Variants in THADA observed in about 807,000 individuals in gnomAD.
The protein encoded by THADA is THADA armadillo repeat containing.
In THADA, 213 loss-of-function variants were observed where a neutral mutation model predicts 219.8. The ratio of observed to expected loss-of-function variants is 0.97; its 90% CI spans 0.87 to 1.09. THADA has a LOEUF of 1.09. Ranked by LOEUF, THADA falls within the 50% of genes least tolerant of loss-of-function variation. The pLI is 0.00. For missense variants in THADA, 2,956 were observed against 2,311.3 expected, an observed-to-expected ratio of 1.28 and a Z score of -5.72; for synonymous variants, 1,018 against 828.9, an observed-to-expected ratio of 1.23 and a Z score of -3.92.
At chr2:43,448,522 T>C (rs1235037632) in intron 26 of THADA, among the ~76,000 whole-genome samples, 1 of 151,038 alleles carries the variant, frequency 6.6e-6, no homozygotes, top group East Asian at 2.0e-4. Context: ...TGAAGCAACT[T>C]GCAAGGAATT....
At chr2:43,561,696 C>G (rs1488924814) in intron 15 of THADA, among the ~76,000 whole-genome samples, 1 of 152,168 alleles carries the variant, frequency 6.6e-6, no homozygotes, top group Non-Finnish European at 1.5e-5. Flanking sequence ...CTTAACAACT[C>G]TGCTCAGATT....
intron 36 of THADA, among the ~76,000 whole-genome samples, chr2:43,262,157 TGCTTA>T (rs1469518440): frequency 1.3e-5 from 2 of 152,360 alleles, no homozygotes; most frequent in Admixed American, 1.3e-4. Context: ...CTAGGTAATG[TGCTTA>T]GCCCAAAACA....
chr2:43,515,817 A>C (rs935731416), intron 22 of THADA, among the ~76,000 whole-genome samples: 12 of 152,126 alleles, frequency 7.9e-5, no homozygotes, highest in African/African-American at 2.9e-4. Flanking sequence ...AGAGACTCTC[A>C]CCAAAAGAAA....
chr2:43,357,415 C>A (rs916797365), intron 29 of THADA, among the ~76,000 whole-genome samples: 3 of 152,198 alleles, frequency 2.0e-5, no homozygotes, highest in African/African-American at 7.2e-5. Context: ...ATATTCTACA[C>A]AAATGGTACC....
At chr2:43,388,624 C>G (rs1672982050) in intron 29 of THADA, among the ~76,000 whole-genome samples, 1 of 152,186 alleles carries the variant, frequency 6.6e-6, no homozygotes, top group Admixed American at 6.5e-5. Context: ...GAATAACAAC[C>G]TGATAGGCAA....
rs374599617 is a variant in THADA, at chr2:43,312,893, G to C, written c.4438+7553C>G. On this transcript the variant is annotated intron_variant, in intron 31 of 37. Coordinates refer to ENST00000405975, the MANE Select transcript of THADA (RefSeq NM_022065.5). ...CACATCTGCATCCAACACTGATAAA[G>C]TGCATGACCGAGGAACAGATAAGAA... 5.5e-4 allele frequency among the ~76,000 whole-genome samples: 83 copies of C among 152,172 alleles called. 2 individuals are homozygous for C. The South Asian group carries it at 0.017, about 31-fold the overall frequency.
chr2:43,290,802 G>C (rs1430340039), intron 34 of THADA, among the ~76,000 whole-genome samples: 1 of 151,650 alleles, frequency 6.6e-6, no homozygotes, highest in Non-Finnish European at 1.5e-5. Flanking sequence ...TTCTGTGAGG[G>C]TGCTATCTTG....
intron 36 of THADA, among the ~76,000 whole-genome samples, chr2:43,234,585 T>G (rs953878495): frequency 5.3e-5 from 8 of 152,220 alleles, no homozygotes; most frequent in African/African-American, 1.9e-4. Context: ...AACTCCTTTC[T>G]GCAGTTCTCA....
chr2:43,546,315 G>T (rs1231126724), intron 20 of THADA, among the ~76,000 whole-genome samples: 8 of 152,264 alleles, frequency 5.3e-5, no homozygotes, highest in African/African-American at 1.9e-4. Flanking sequence ...TGGAATAGGT[G>T]TGGTGTGGTG....
At chr2:43,467,958 CA>C (rs955269912) in intron 26 of THADA, among the ~76,000 whole-genome samples, 2 of 152,170 alleles carry the variant, frequency 1.3e-5, no homozygotes, top group African/African-American at 4.8e-5. Context: ...TGAGCTAAGC[CA>C]GACCAGGCTG....
At chr2:43,278,556 G>T (rs1219796661) in intron 36 of THADA, among the ~76,000 whole-genome samples, 2 of 152,218 alleles carry the variant, frequency 1.3e-5, no homozygotes, top group African/African-American at 4.8e-5. Context: ...TGGGGGCTGA[G>T]GGGAGCCTGC....
chr2:43,247,758 G>A (rs1199566438), intron 36 of THADA, among the ~76,000 whole-genome samples: 3 of 150,788 alleles, frequency 2.0e-5, no homozygotes, highest in African/African-American at 7.3e-5. Flanking sequence ...AAAAAAAGGG[G>A]GGTGCTGGGC....
chr2:43,468,854 T>C (rs1313263877), intron 26 of THADA, among the ~76,000 whole-genome samples: 1 of 152,134 alleles, frequency 6.6e-6, no homozygotes, highest in Non-Finnish European at 1.5e-5. Flanking sequence ...GCAGATACTA[T>C]TACCATCCCC....
intron 14 of THADA, among the ~76,000 whole-genome samples, chr2:43,567,540 T>C (rs747748168): frequency 6.6e-6 from 1 of 152,090 alleles, no homozygotes; most frequent in East Asian, 1.9e-4. Flanking sequence ...GGCAGGAGAA[T>C]TGCTTGAACC....
intron 22 of THADA, among the ~76,000 whole-genome samples, chr2:43,509,446 G>A (rs1187226628): frequency 6.6e-6 from 1 of 152,058 alleles, no homozygotes; most frequent in Non-Finnish European, 1.5e-5. Flanking sequence ...CATTGCCCAA[G>A]GAATACCAAA....
At chr2:43,341,156 C>G (rs1406793294) in intron 30 of THADA, among the ~76,000 whole-genome samples, 1 of 152,142 alleles carries the variant, frequency 6.6e-6, no homozygotes, top group African/African-American at 2.4e-5. Context: ...CAAAAGGAAG[C>G]CTGGTGTTAG....
intron 29 of THADA, among the ~76,000 whole-genome samples, chr2:43,388,806 C>T (rs1485331216): frequency 1.3e-5 from 2 of 152,158 alleles, no homozygotes; most frequent in African/African-American, 4.8e-5. Context: ...ACTCACACAT[C>T]AATAGGAATC....
chr2:43,518,771 G>C (rs956319884), intron 22 of THADA, among the ~76,000 whole-genome samples: 1 of 151,968 alleles, frequency 6.6e-6, no homozygotes, highest in African/African-American at 2.4e-5. Flanking sequence ...CCTCTGTTTG[G>C]CTGACTTTCA....
intron 26 of THADA, among the ~76,000 whole-genome samples, chr2:43,434,674 A>G (rs537860880): frequency 1.3e-5 from 2 of 152,326 alleles, no homozygotes; most frequent in South Asian, 4.1e-4. Context: ...GCCCAAATCC[A>G]GCGGAAAACC....
Sources: allele counts gnomAD v4.1 joint callset (sites outside exome capture counted in the v4.1 genomes callset), GRCh38; gene constraint gnomAD v4.1.1; transcripts MANE v1.5; gene names NCBI Gene and HGNC (gene_info 2026-07-23, HGNC 2026-07-21).